TTC34: variants seen among roughly 807,000 people sequenced by gnomAD.
TTC34 encodes tetratricopeptide repeat domain 34, also known as tetratricopeptide repeat protein 34.
In TTC34, 44 loss-of-function variants were observed where a neutral mutation model predicts 40.7. The observed-to-expected ratio is 1.08, with a 90% CI of 0.85 to 1.39. TTC34 has a LOEUF of 1.39. TTC34 is among the 40% of genes most tolerant of loss of function. The pLI, the probability that TTC34 is intolerant of heterozygous loss-of-function variation, is 0.00. For synonymous variants in TTC34, 422 were observed against 398.6 expected, an observed-to-expected ratio of 1.06 and a Z score of -0.70; for missense variants, 884 against 838.0, an observed-to-expected ratio of 1.05 and a Z score of -0.68.
Position 2,752,577 on chromosome 1 carries a change from A to C in TTC34, c.2226+31032T>G, listed in dbSNP as rs1399586400. 6.2e-5 allele frequency among the ~76,000 whole-genome samples: 4 copies of C among 64,882 alleles called. 1 individual carries two copies. The highest frequency in any genetic ancestry group is 3.2e-4 in the African/African-American group (4 of 12,512). 42.6% of individuals were successfully genotyped at this position (64,882 alleles called of 152,430 possible). The stretch of plus-strand genomic sequence containing the variant: ...GCCTGGAACAGCACCTTGCACCCCC[A>C]GGTGAGAATCTGACAACCTGGAACA... On this transcript the variant is annotated intron_variant, in intron 6 of 8. Coordinates refer to ENST00000401095, the Ensembl canonical transcript of TTC34.
chr1:2,700,096 C>G (rs1172822191), intron 6 of TTC34, among the ~76,000 whole-genome samples: 1 of 120,236 alleles, frequency 8.3e-6, no homozygotes, highest in Admixed American at 8.7e-5. Context: ...CCCACAGTCC[C>G]AGGTGAGCAT....
At chr1:2,694,057 A>G (rs1274295732) in intron 6 of TTC34, among the ~76,000 whole-genome samples, 2 of 94,250 alleles carry the variant, frequency 2.1e-5, no homozygotes, top group African/African-American at 7.9e-5. Flanking sequence ...AGCACGTAAC[A>G]GCACCCACAC....
intron 6 of TTC34, among the ~76,000 whole-genome samples, chr1:2,658,490 AGCAGCACCCACACACCCAGGTG>A: frequency 1.5e-5 from 1 of 65,294 alleles, no homozygotes; most frequent in African/African-American, 4.4e-5. Flanking sequence ...GACAGCCTGG[AGCAGCACCCACACACCCAGGTG>A]ATCATCTGAC....
At chr1:2,788,022 T>C (rs1643614440) in intron 3 of TTC34, among the ~76,000 whole-genome samples, 1 of 152,184 alleles carries the variant, frequency 6.6e-6, no homozygotes, top group Non-Finnish European at 1.5e-5. Flanking sequence ...CAATTTGGCC[T>C]TGCTGGGCTC....
exon 9 of TTC34, chr1:2,637,725 C>T (rs1335596681): frequency 6.6e-6 from 1 of 151,664 alleles, no homozygotes; most frequent in African/African-American, 2.4e-5. Flanking sequence ...ACGTTCAGGT[C>T]TCTAAACTCA....
At chr1:2,692,195 G>A (rs1424445295) in intron 6 of TTC34, among the ~76,000 whole-genome samples, 1 of 62,558 alleles carries the variant, frequency 1.6e-5, no homozygotes, top group East Asian at 4.1e-4. Flanking sequence ...CGCCAGGTGA[G>A]CATTGGACAC....
rs1407488160 is a variant in TTC34 at position 2,694,993 on chromosome 1, C to A, written c.2227-49430G>T. The stretch of plus-strand genomic sequence containing the variant: ...GACAGCCTGGAGCAGCACCCTGCAC[C>A]CCCAGGTGAGGATCTGACAGCCTGG... On this transcript the variant is annotated intron_variant, in intron 6 of 8. Transcript: ENST00000401095. Among the ~76,000 whole-genome samples the A allele has an allele frequency of 1.3e-4, 19 of 148,434 alleles. No individual in the cohort carries two copies. The East Asian group carries it at 1.7e-3, about 13-fold the overall frequency.
rs1323853868 is a variant in TTC34, at chr1:2,751,028, C to T, written c.2226+32581G>A. On this transcript the variant is annotated intron_variant, in intron 6 of 8. Coordinates refer to ENST00000401095, the Ensembl canonical transcript of TTC34. Reference sequence around the variant, plus strand: ...ACACCGACAGGTGAGCATCTGACAGCCTGGAACAGAACCCACACCCCCAGG... The same window carrying T: ...ACACCGACAGGTGAGCATCTGACAGTCTGGAACAGAACCCACACCCCCAGG... Among the ~76,000 whole-genome samples the T allele has an allele frequency of 3.4e-5, 4 of 119,054 alleles. 1 individual carries two copies. The highest frequency in any genetic ancestry group is 5.0e-5 in the Non-Finnish European group (3 of 59,472). The allele number at this position is 119,054 out of a possible 152,430, so 78.1% of individuals were successfully genotyped here.
At chr1:2,787,228 G>A (rs902731575) in intron 4 of TTC34, among the ~76,000 whole-genome samples, 19 of 152,206 alleles carry the variant, frequency 1.2e-4, no homozygotes, top group Admixed American at 1.2e-3. Flanking sequence ...AGCTACGCAT[G>A]CAGGGAAACT....
intron 6 of TTC34, among the ~76,000 whole-genome samples, chr1:2,752,117 G>T (rs1296135183): frequency 1.1e-5 from 1 of 90,274 alleles, no homozygotes; most frequent in African/African-American, 5.4e-5. Flanking sequence ...ACAGCCTGGA[G>T]CAACACCCAC....
exon 2 of TTC34, chr1:2,800,442 A>G (rs1405832553): frequency 2.5e-6 from 1 of 398,476 alleles, no homozygotes; most frequent in African/African-American, 2.1e-5. Context: ...ATGAGAGTCC[A>G]GCAGGGCGCT....
chr1:2,683,865 A>C (rs56278231), intron 6 of TTC34, among the ~76,000 whole-genome samples: 135 of 108,036 alleles, frequency 1.2e-3, no homozygotes, highest in African/African-American at 2.0e-3. Flanking sequence ...CCTGGAGCAG[A>C]ACCCACACCC....
chr1:2,657,536 CAG>C (rs1639394749), intron 6 of TTC34, among the ~76,000 whole-genome samples: 1 of 97,982 alleles, frequency 1.0e-5, no homozygotes, highest in Non-Finnish European at 2.7e-5. Flanking sequence ...AAACAGCACC[CAG>C]AACTCCAGGT....
At chr1:2,755,907 C>A (rs1436982689) in intron 6 of TTC34, among the ~76,000 whole-genome samples, 1 of 81,948 alleles carries the variant, frequency 1.2e-5, no homozygotes, top group Non-Finnish European at 2.1e-5. Flanking sequence ...CCCACACCCC[C>A]AGGTGAGCAT....
At chr1:2,673,035 G>C (rs1322473530) in intron 6 of TTC34, among the ~76,000 whole-genome samples, 1 of 11,460 alleles carries the variant, frequency 8.7e-5, no homozygotes, top group Non-Finnish European at 1.8e-4. Context: ...GCACCCATAC[G>C]CCCAGATGAG....
intron 5 of TTC34, 138 bp from the exon 6 acceptor site, chr1:2,783,913 C>T (rs954117340): frequency 6.5e-6 from 5 of 770,956 alleles, no homozygotes; most frequent in Admixed American, 3.8e-5. Flanking sequence ...CACTGGGCAC[C>T]AAGACAGACA....
chr1:2,683,824 G>A (rs1374443027), intron 6 of TTC34, among the ~76,000 whole-genome samples: 1 of 147,336 alleles, frequency 6.8e-6, no homozygotes, highest in Admixed American at 6.8e-5. Flanking sequence ...GCCGGGAACA[G>A]CACCCACACC....
At chr1:2,686,778 T>TGGC (rs1640375327) in intron 6 of TTC34, among the ~76,000 whole-genome samples, 1 of 47,976 alleles carries the variant, frequency 2.1e-5, no homozygotes, top group African/African-American at 1.1e-4. Context: ...GGTGAGCATG[T>TGGC]GACAGCCTGG....
exon 9 of TTC34, chr1:2,638,016 CAGCTTGTCCTCCA>C (rs1349818494): frequency 2.0e-5 from 3 of 152,176 alleles, no homozygotes; most frequent in African/African-American, 7.2e-5. Context: ...CCAGGGGAAG[CAGCTTGTCCTCCA>C]AGATCTGAGA....
Sources: allele counts gnomAD v4.1 joint callset (sites outside exome capture counted in the v4.1 genomes callset), GRCh38; gene constraint gnomAD v4.1.1; transcripts MANE v1.5; gene names NCBI Gene and HGNC (gene_info 2026-07-23, HGNC 2026-07-21).